GRIA1: variants seen among roughly 807,000 people sequenced by gnomAD.
GRIA1 encodes glutamate ionotropic receptor AMPA type subunit 1, also known as glutamate receptor 1.
Under a neutral mutation model 99.2 loss-of-function variants are expected in GRIA1, and 31 were observed. The ratio of observed to expected loss-of-function variants is 0.31; its 90% CI spans 0.23 to 0.42. The LOEUF (loss-of-function observed/expected upper bound fraction) is 0.42, where lower values mean the gene tolerates loss of function less well. Ranked by LOEUF, GRIA1 falls within the 10% of genes least tolerant of loss-of-function variation. The pLI is 1.00. For synonymous variants in GRIA1, 438 were observed against 432.4 expected, an observed-to-expected ratio of 1.01 and a Z score of -0.16; for missense variants, 782 against 1,157.5, an observed-to-expected ratio of 0.68 and a Z score of 4.71.
At chr5:153,562,504 A>T (rs958847746) in intron 2 of GRIA1, among the ~76,000 whole-genome samples, 1 of 152,172 alleles carries the variant, frequency 6.6e-6, no homozygotes, top group African/African-American at 2.4e-5. Flanking sequence ...ATAGTACTTT[A>T]ATAATGGTTC....
At chr5:153,681,626 G>C (rs1756975429) in intron 7 of GRIA1, among the ~76,000 whole-genome samples, 1 of 152,160 alleles carries the variant, frequency 6.6e-6, no homozygotes, top group African/African-American at 2.4e-5. Flanking sequence ...GGGGGATCTT[G>C]GACTAATTGC....
At chr5:153,737,083 C>T (rs1394594423) in intron 11 of GRIA1, among the ~76,000 whole-genome samples, 3 of 151,978 alleles carry the variant, frequency 2.0e-5, no homozygotes, top group Admixed American at 2.0e-4. Flanking sequence ...CTGTAAGCCT[C>T]GAAGTTCAGG....
intron 11 of GRIA1, among the ~76,000 whole-genome samples, chr5:153,743,413 G>A (rs993270739): frequency 5.9e-5 from 9 of 152,190 alleles, no homozygotes; most frequent in Non-Finnish European, 2.9e-5. Flanking sequence ...TCAGCCTGCT[G>A]AGCTCTCCTC....
intron 11 of GRIA1, among the ~76,000 whole-genome samples, chr5:153,716,959 A>T (rs1271613505): frequency 6.6e-6 from 1 of 152,240 alleles, no homozygotes; most frequent in Non-Finnish European, 1.5e-5. Flanking sequence ...CTTAGTGTCC[A>T]TCAGTAGAAA....
At chr5:153,742,398 T>C (rs1056942289) in intron 11 of GRIA1, among the ~76,000 whole-genome samples, 3 of 152,188 alleles carry the variant, frequency 2.0e-5, no homozygotes, top group Admixed American at 6.5e-5. Context: ...TCATTTTCCA[T>C]CACTGCCATA....
At chr5:153,607,973 T>A (rs897112938) in intron 2 of GRIA1, among the ~76,000 whole-genome samples, 3 of 152,160 alleles carry the variant, frequency 2.0e-5, no homozygotes, top group African/African-American at 7.2e-5. Context: ...TTGACAATTT[T>A]TTTTCTTTTT....
chr5:153,644,230 G>A (rs1753974135), intron 2 of GRIA1, among the ~76,000 whole-genome samples: 1 of 152,160 alleles, frequency 6.6e-6, no homozygotes. Context: ...CATATTTATG[G>A]AAATCTTTAT....
intron 11 of GRIA1, among the ~76,000 whole-genome samples, chr5:153,720,510 T>G (rs1472978664): frequency 6.6e-6 from 1 of 152,194 alleles, no homozygotes; most frequent in African/African-American, 2.4e-5. Flanking sequence ...AGAGTCTCCA[T>G]GTTTAGGCAA....
At chr5:153,508,135 G>A (rs1471088434) in intron 2 of GRIA1, among the ~76,000 whole-genome samples, 1 of 152,224 alleles carries the variant, frequency 6.6e-6, no homozygotes, top group Non-Finnish European at 1.5e-5. Context: ...GGGACAGAGA[G>A]TGAGCTGTAG....
chr5:153,498,228 C>A (rs941609384), intron 2 of GRIA1, among the ~76,000 whole-genome samples: 1 of 152,182 alleles, frequency 6.6e-6, no homozygotes, highest in Non-Finnish European at 1.5e-5. Flanking sequence ...TCTACATGGC[C>A]TCTTTCCCAA....
At chr5:153,766,986 A>C (rs1763562300) in intron 12 of GRIA1, among the ~76,000 whole-genome samples, 1 of 152,148 alleles carries the variant, frequency 6.6e-6, no homozygotes, top group Non-Finnish European at 1.5e-5. Flanking sequence ...CCATGTACTT[A>C]CTTTGACAGG....
At chr5:153,784,177 C>T (rs560020900) in intron 13 of GRIA1, among the ~76,000 whole-genome samples, 2 of 152,192 alleles carry the variant, frequency 1.3e-5, no homozygotes, top group South Asian at 4.2e-4. Flanking sequence ...GGTCATCAAC[C>T]ACCCTGGTTT....
rs142328583 is a variant in GRIA1 at position 153,561,919 on chromosome 5, G to C, written c.220+67854G>C. 5.9e-3 allele frequency among the ~76,000 whole-genome samples: 899 copies of C among 152,276 alleles called. 10 individuals are homozygous for C. The highest frequency in any genetic ancestry group is 0.02 in the African/African-American group (838 of 41,546). On this transcript the variant is annotated intron_variant, in intron 2 of 15. Transcript: ENST00000285900. ...GGAGACTGTGTATGTGGGAATTTTGGATCAAAAGGGGATTCCAATAGAAGA... is the reference window on the plus strand; with the variant it reads ...GGAGACTGTGTATGTGGGAATTTTGCATCAAAAGGGGATTCCAATAGAAGA...
chr5:153,692,550 C>T (rs552666431), intron 8 of GRIA1, among the ~76,000 whole-genome samples: 1 of 152,198 alleles, frequency 6.6e-6, no homozygotes, highest in African/African-American at 2.4e-5. Context: ...TCTGCCTCTG[C>T]ATGACAACAA....
At position 153,705,798 on chromosome 5, in the gene GRIA1, T is replaced by TA; in HGVS notation, c.1560dup (p.Pro521ThrfsTer13). 1 of 1,609,508 alleles carries TA rather than the reference T, an allele frequency of 6.2e-7. No homozygotes were observed. The highest frequency in any genetic ancestry group is 8.5e-7 in the Non-Finnish European group (1 of 1,177,706). The stretch of plus-strand genomic sequence containing the variant: ...TGAGTTTGGGGATCTCCATCATGAT[T>TA]AAAAAACCACAGAAATCCAAGCCGG... On this transcript the variant is annotated frameshift_variant, in exon 11 of 16. Transcript: ENST00000285900. LOFTEE classifies it high-confidence loss of function.
chr5:153,605,990 T>C (rs1581315678), intron 2 of GRIA1, among the ~76,000 whole-genome samples: 1 of 152,136 alleles, frequency 6.6e-6, no homozygotes, highest in Non-Finnish European at 1.5e-5. Flanking sequence ...TTATGGATGG[T>C]TTTATATTTT....
intron 2 of GRIA1, among the ~76,000 whole-genome samples, chr5:153,543,144 G>T (rs889228353): frequency 6.6e-6 from 1 of 152,176 alleles, no homozygotes; most frequent in Non-Finnish European, 1.5e-5. Flanking sequence ...TGGTGATGGT[G>T]ATGGAGATGT....
chr5:153,577,887 G>A (rs1052552386), intron 2 of GRIA1, among the ~76,000 whole-genome samples: 58 of 151,800 alleles, frequency 3.8e-4, no homozygotes, highest in African/African-American at 1.2e-3. Flanking sequence ...ACAGTGGCTC[G>A]CGCCTGTAAT....
intron 11 of GRIA1, among the ~76,000 whole-genome samples, chr5:153,761,979 A>C (rs895387802): frequency 6.6e-6 from 1 of 152,212 alleles, no homozygotes; most frequent in Non-Finnish European, 1.5e-5. Context: ...ATCTCCTAGC[A>C]GTGCAGAGTA....
Sources: allele counts gnomAD v4.1 joint callset (sites outside exome capture counted in the v4.1 genomes callset), GRCh38; gene constraint gnomAD v4.1.1; transcripts MANE v1.5; gene names NCBI Gene and HGNC (gene_info 2026-07-23, HGNC 2026-07-21).